C9: variants seen among roughly 807,000 people sequenced by gnomAD.
The protein encoded by C9 is complement component C9.
A neutral mutation model predicts 65.4 loss-of-function variants in C9; 63 were observed. That is an observed-to-expected ratio of 0.96 (90% CI 0.79 to 1.19). The LOEUF is 1.19. Among genes scored for constraint, C9 ranks in the 50% most tolerant of loss-of-function variants. The probability of loss-of-function intolerance (pLI) is 0.00; values close to 1 mark genes in which losing one functional copy is unlikely to be tolerated. For missense variants in C9, 744 were observed against 670.1 expected, an observed-to-expected ratio of 1.11 and a Z score of -1.22; for synonymous variants, 229 against 227.9, an observed-to-expected ratio of 1.00 and a Z score of -0.04.
chr5:39,344,354 C>A (rs1235372255), intron 1 of C9, among the ~76,000 whole-genome samples: 4 of 152,180 alleles, frequency 2.6e-5, no homozygotes, highest in Non-Finnish European at 5.9e-5. Flanking sequence ...AAAACCATGG[C>A]ACGAGAACTA....
In C9 at chr5:39,308,225, C is replaced by G; in HGVS notation, c.1240+5G>C. 3.1e-6 allele frequency: 5 copies of G among 1,613,016 alleles called. No individual in the cohort carries two copies. The highest frequency in any genetic ancestry group is 4.2e-6 in the Non-Finnish European group (5 of 1,179,086). ...ATAAAATCTAACAAGTGAGGCCACA[C>G]TTACCAGCTCTACCCTCTCCCCTCT... On this transcript the variant is annotated splice_donor_5th_base_variant and intron_variant, in intron 8 of 10. Transcript: ENST00000263408.
At chr5:39,346,267 C>A (rs1353243630) in intron 1 of C9, among the ~76,000 whole-genome samples, 6 of 151,976 alleles carry the variant, frequency 3.9e-5, no homozygotes, top group Admixed American at 6.6e-5. Context: ...AATTGATAGA[C>A]CACTAGCAAG....
chr5:39,305,185 G>A (rs1395883138), intron 9 of C9, among the ~76,000 whole-genome samples: 1 of 152,030 alleles, frequency 6.6e-6, no homozygotes, highest in South Asian at 2.1e-4. Context: ...GATCAAAGAG[G>A]CATCCTCTGA....
intron 1 of C9, among the ~76,000 whole-genome samples, chr5:39,363,056 G>T (rs1754550088): frequency 6.6e-6 from 1 of 152,136 alleles, no homozygotes; most frequent in Non-Finnish European, 1.5e-5. Flanking sequence ...TGATCAGCAG[G>T]AGCTGCAATC....
intron 9 of C9, among the ~76,000 whole-genome samples, chr5:39,297,328 A>T (rs1485468373): frequency 6.6e-6 from 1 of 151,656 alleles, no homozygotes; most frequent in African/African-American, 2.4e-5. Flanking sequence ...AGCAAAAAGG[A>T]GACAAAGAAT....
intron 5 of C9, among the ~76,000 whole-genome samples, chr5:39,320,749 C>T (rs1025444126): frequency 1.3e-5 from 2 of 152,068 alleles, no homozygotes; most frequent in African/African-American, 4.8e-5. Flanking sequence ...ACTCAAAAGT[C>T]ATACAATAAG....
chr5:39,331,112 G>C (rs1753831506), intron 5 of C9, among the ~76,000 whole-genome samples: 1 of 152,160 alleles, frequency 6.6e-6, no homozygotes, highest in African/African-American at 2.4e-5. Flanking sequence ...TTTAATGGTG[G>C]AGGGCTACAG....
At chr5:39,334,432 G>C (rs1173765338) in intron 4 of C9, among the ~76,000 whole-genome samples, 1 of 150,970 alleles carries the variant, frequency 6.6e-6, no homozygotes, top group Admixed American at 6.6e-5. Context: ...CCCCGTCTGA[G>C]AAGTGAGGAG....
intron 9 of C9, among the ~76,000 whole-genome samples, chr5:39,295,725 C>A (rs1255781449): frequency 6.6e-6 from 1 of 151,512 alleles, no homozygotes; most frequent in East Asian, 1.9e-4. Flanking sequence ...CAATCTTAAA[C>A]AAACAACAAC....
chr5:39,333,937 G>A (rs1205402980), intron 4 of C9, among the ~76,000 whole-genome samples: 28 of 152,148 alleles, frequency 1.8e-4, no homozygotes, highest in African/African-American at 6.0e-4. Flanking sequence ...AGGCTGGAGT[G>A]CAGTGGCGTG....
At chr5:39,294,960 C>A (rs889531711) in intron 9 of C9, among the ~76,000 whole-genome samples, 3 of 151,676 alleles carry the variant, frequency 2.0e-5, no homozygotes, top group Admixed American at 1.3e-4. Flanking sequence ...TGAACAGAAA[C>A]CATGTGATCA....
At chr5:39,293,553 C>T (rs988387761) in intron 9 of C9, among the ~76,000 whole-genome samples, 3 of 151,870 alleles carry the variant, frequency 2.0e-5, no homozygotes, top group Admixed American at 6.6e-5. Flanking sequence ...CTGGAGCACC[C>T]AGATACATAA....
intron 7 of C9, 102 bp downstream of exon 7, chr5:39,311,035 G>C: frequency 7.6e-7 from 1 of 1,311,998 alleles, no homozygotes. Flanking sequence ...CAGGTTACAG[G>C]GCTTTGTATT....
chr5:39,325,487 A>C (rs1408702591), intron 5 of C9, among the ~76,000 whole-genome samples: 1 of 152,170 alleles, frequency 6.6e-6, no homozygotes, highest in Non-Finnish European at 1.5e-5. Flanking sequence ...TCAAGAATGC[A>C]ATGATCGCCA....
Position 39,306,726 on chromosome 5 carries a change from T to C in C9, c.1307A>G (p.Tyr436Cys). Residue 436 changes from tyrosine to cysteine, a missense_variant, in exon 9 of 11, where the codon TAT becomes TGT. Transcript: ENST00000263408. ...VSLIRGGTRKYAFELKEKLLR... is the reference protein window; with the variant it reads ...VSLIRGGTRKCAFELKEKLLR... ...AAGCTTTTCTTTCAGTTCAAATGCA[T>C]ATTTTCTGGTTCCACCTCTTATGAG... 1 of 1,612,454 alleles carries C rather than the reference T, an allele frequency of 6.2e-7. No homozygotes were observed. The highest frequency in any genetic ancestry group is 8.5e-7 in the Non-Finnish European group (1 of 1,178,568).
chr5:39,360,870 G>A (rs1326109543), intron 1 of C9, among the ~76,000 whole-genome samples: 1 of 152,064 alleles, frequency 6.6e-6, no homozygotes. Context: ...TACAAATAGG[G>A]CAATTTTAGC....
chr5:39,329,223 A>C (rs1005479400), intron 5 of C9, among the ~76,000 whole-genome samples: 2 of 152,196 alleles, frequency 1.3e-5, no homozygotes, highest in African/African-American at 4.8e-5. Context: ...GCTAATTTAT[A>C]AAGTGGTCAG....
chr5:39,317,742 G>A lies in C9; in HGVS notation c.616-1713C>T, dbSNP rs371659142. Among the ~76,000 whole-genome samples, 65 of 152,190 alleles carry A rather than the reference G, an allele frequency of 4.3e-4. 3 individuals carry two copies. The South Asian group carries it at 8.5e-3, about 20-fold the overall frequency. ...CCAGTACCATGCTATTTTGATTACC[G>A]TAGCCTTGTACTATAGTTCGAAGTC... On this transcript the variant is annotated intron_variant, in intron 5 of 10. Coordinates refer to ENST00000263408, the MANE Select transcript of C9 (RefSeq NM_001737.5).
intron 7 of C9, 29 bp downstream of exon 7, chr5:39,311,108 T>G: frequency 6.2e-7 from 1 of 1,611,360 alleles, no homozygotes; most frequent in Non-Finnish European, 8.5e-7. Flanking sequence ...AAACAGTATT[T>G]GAAGTCAGAG....
Sources: allele counts gnomAD v4.1 joint callset (sites outside exome capture counted in the v4.1 genomes callset), GRCh38; gene constraint gnomAD v4.1.1; transcripts MANE v1.5; gene names NCBI Gene and HGNC (gene_info 2026-07-23, HGNC 2026-07-21).